The following KATNAL1 variants were observed in gnomAD, a reference collection of about 807,000 sequenced individuals.
KATNAL1 encodes katanin catalytic subunit A1 like 1, also known as katanin p60 ATPase-containing subunit A-like 1.
In KATNAL1, 32 loss-of-function variants were observed where a neutral mutation model predicts 55.2. That is an observed-to-expected ratio of 0.58 (90% CI 0.44 to 0.78). KATNAL1 has a LOEUF of 0.78. Ranked by LOEUF, KATNAL1 falls within the 30% of genes least tolerant of loss-of-function variation. KATNAL1 has a pLI of 0.00. For missense variants in KATNAL1, 466 were observed against 600.9 expected, an observed-to-expected ratio of 0.78 and a Z score of 2.35; for synonymous variants, 193 against 193.6, an observed-to-expected ratio of 1.00 and a Z score of 0.02.
intron 6 of KATNAL1, among the ~76,000 whole-genome samples, chr13:30,234,303 G>A (rs1437718144): frequency 6.6e-6 from 1 of 152,126 alleles, no homozygotes; most frequent in Admixed American, 6.5e-5. Context: ...TCCTCTCACA[G>A]CCAACCTTCA....
intron 3 of KATNAL1, among the ~76,000 whole-genome samples, chr13:30,275,806 A>C (rs9551883): frequency 6.6e-6 from 1 of 152,096 alleles, no homozygotes; most frequent in East Asian, 1.9e-4. Flanking sequence ...ATATCAAATA[A>C]TCAACCTGTA....
intron 2 of KATNAL1, among the ~76,000 whole-genome samples, 194 bp downstream of exon 2, chr13:30,283,422 T>C (rs959088456): frequency 9.2e-5 from 14 of 151,950 alleles, no homozygotes; most frequent in African/African-American, 3.4e-4. Context: ...CCTCACGAAA[T>C]ATATGATCAA....
intron 1 of KATNAL1, among the ~76,000 whole-genome samples, chr13:30,284,933 G>C (rs1779258127): frequency 6.6e-6 from 1 of 152,204 alleles, no homozygotes; most frequent in South Asian, 2.1e-4. Context: ...TCCTGAGAAA[G>C]TGTCAAAATT....
At chr13:30,244,107 T>G (rs1244054138) in intron 4 of KATNAL1, among the ~76,000 whole-genome samples, 4 of 148,534 alleles carry the variant, frequency 2.7e-5, no homozygotes, top group Admixed American at 2.7e-4. Context: ...CAGGCCCCAG[T>G]GTGTGATGTT....
chr13:30,254,642 A>G (rs1183717225), intron 4 of KATNAL1, among the ~76,000 whole-genome samples: 1 of 152,212 alleles, frequency 6.6e-6, no homozygotes, highest in Non-Finnish European at 1.5e-5. Context: ...TATCTTTATT[A>G]TACATATCAT....
At chr13:30,237,430 G>A (rs1876800610) in intron 6 of KATNAL1, among the ~76,000 whole-genome samples, 1 of 152,192 alleles carries the variant, frequency 6.6e-6, no homozygotes, top group Non-Finnish European at 1.5e-5. Context: ...CAATGTAAGA[G>A]TGATTCAAGC....
intron 3 of KATNAL1, 135 bp from the exon 4 acceptor site, chr13:30,255,750 T>C: frequency 1.5e-6 from 1 of 669,746 alleles, no homozygotes; most frequent in Non-Finnish European, 2.0e-6. Flanking sequence ...CTTTGGCCAA[T>C]TCATGGCCAC....
At chr13:30,267,505 G>A (rs573356414) in intron 3 of KATNAL1, among the ~76,000 whole-genome samples, 2 of 152,272 alleles carry the variant, frequency 1.3e-5, no homozygotes, top group African/African-American at 4.8e-5. Flanking sequence ...ATCTCTTTCT[G>A]TTCACATAAA....
intron 3 of KATNAL1, among the ~76,000 whole-genome samples, chr13:30,261,784 C>A (rs1879305632): frequency 6.6e-6 from 1 of 152,072 alleles, no homozygotes; most frequent in African/African-American, 2.4e-5. Flanking sequence ...CTTTAACACC[C>A]CACTGTCAAC....
intron 3 of KATNAL1, among the ~76,000 whole-genome samples, chr13:30,279,304 C>G (rs1881093913): frequency 1.3e-5 from 2 of 152,158 alleles, no homozygotes; most frequent in Middle Eastern, 3.2e-3. Context: ...GTAAATAAAA[C>G]CATGGTCCTT....
chr13:30,284,115 C>T (rs1295140036), intron 1 of KATNAL1, among the ~76,000 whole-genome samples: 3 of 152,150 alleles, frequency 2.0e-5, no homozygotes, highest in African/African-American at 7.2e-5. Flanking sequence ...CCACCTAAGC[C>T]TCCCAAAGTG....
rs149638925 is a variant in KATNAL1, at chr13:30,268,816, G to A, written c.323+11247C>T. Among the ~76,000 whole-genome samples the A allele has an allele frequency of 5.8e-3, 882 of 152,210 alleles. 1 individual carries two copies. The highest frequency in any genetic ancestry group is 0.024 in the Middle Eastern group (7 of 294). On this transcript the variant is annotated intron_variant, in intron 3 of 10. Coordinates refer to ENST00000380615, the MANE Select transcript of KATNAL1 (RefSeq NM_032116.5). The stretch of plus-strand genomic sequence containing the variant: ...ATGGTAAACAAAACCATTGGCAAAC[G>A]CATGAATAAACCTAAATAAGCATTC...
intron 3 of KATNAL1, among the ~76,000 whole-genome samples, chr13:30,272,410 G>GA (rs1200780387): frequency 6.6e-6 from 1 of 151,172 alleles, no homozygotes; most frequent in African/African-American, 2.4e-5. Context: ...AAAAAAGAAA[G>GA]AAAAAAAGAA....
intron 6 of KATNAL1, among the ~76,000 whole-genome samples, chr13:30,235,746 T>A (rs1166961283): frequency 2.0e-5 from 3 of 152,130 alleles, no homozygotes; most frequent in Non-Finnish European, 4.4e-5. Flanking sequence ...CCTTTGGCTA[T>A]AATAACACTG....
chr13:30,225,232 T>G (rs1251314481), intron 9 of KATNAL1, among the ~76,000 whole-genome samples: 1 of 152,168 alleles, frequency 6.6e-6, no homozygotes, highest in Non-Finnish European at 1.5e-5. Context: ...TGTCCTTACT[T>G]CTACCACTTC....
chr13:30,230,227 A>T (rs796556365), intron 8 of KATNAL1, among the ~76,000 whole-genome samples: 7 of 152,306 alleles, frequency 4.6e-5, no homozygotes, highest in African/African-American at 1.7e-4. Context: ...TTTGCTCCAA[A>T]CAGTAAGCTC....
chr13:30,293,144 T>A (rs1047135444), intron 1 of KATNAL1, among the ~76,000 whole-genome samples: 4 of 152,192 alleles, frequency 2.6e-5, no homozygotes, highest in Non-Finnish European at 5.9e-5. Flanking sequence ...TCCATTTTTT[T>A]TCTGCTGTGA....
rs1464673264 is a variant in KATNAL1 at position 30,227,669 on chromosome 13, C to G, written c.1013-123G>C. The G allele has an allele frequency of 4.4e-6, 4 of 910,852 alleles. No homozygotes were observed. In the East Asian group the frequency reaches 1.1e-4, roughly 25 times the overall value. 56.4% of individuals were successfully genotyped at this position (910,852 alleles called of 1,614,324 possible). A position where few individuals can be genotyped will look rare whatever the true frequency, so the allele number is the denominator to read the frequency against. On this transcript the variant is annotated intron_variant, in intron 8 of 10. Coordinates refer to ENST00000380615, the MANE Select transcript of KATNAL1 (RefSeq NM_032116.5). ...GATAAAGAAAGTGCAGTCCTGACCT[C>G]TGTGTGGTGGCAAAACCAGACACAC...
chr13:30,225,125 A>C (rs1408131164), intron 9 of KATNAL1, among the ~76,000 whole-genome samples: 1 of 152,178 alleles, frequency 6.6e-6, no homozygotes, highest in African/African-American at 2.4e-5. Context: ...CTTCTGTAGG[A>C]AAGTCCATTC....
Sources: allele counts gnomAD v4.1 joint callset (sites outside exome capture counted in the v4.1 genomes callset), GRCh38; gene constraint gnomAD v4.1.1; transcripts MANE v1.5; gene names NCBI Gene and HGNC (gene_info 2026-07-23, HGNC 2026-07-21).